The following DOCK1 variants were observed in gnomAD, a reference collection of about 807,000 sequenced individuals.
The protein encoded by DOCK1 is dedicator of cytokinesis protein 1.
DOCK1 carries 138 observed loss-of-function variants against 262.7 expected under a neutral mutation model. The observed-to-expected ratio is 0.53, with a 90% CI of 0.46 to 0.61. The LOEUF is 0.61. DOCK1 is among the 20% of genes least tolerant of loss of function. The pLI, the probability that DOCK1 is intolerant of heterozygous loss-of-function variation, is 0.00. For missense variants in DOCK1, 1,908 were observed against 2,370.7 expected (o/e 0.80, Z 4.05); for synonymous variants, 866 against 867.4 (o/e 1.00, Z 0.03).
intron 21 of DOCK1, among the ~76,000 whole-genome samples, chr10:127,050,318 T>C (rs566237363): frequency 1.3e-5 from 2 of 151,526 alleles, no homozygotes; most frequent in African/African-American, 2.4e-5. Context: ...TCCTTAATTA[T>C]AATAGATATT....
At chr10:127,400,370 G>A (rs2067149455) in intron 38 of DOCK1, among the ~76,000 whole-genome samples, 1 of 152,198 alleles carries the variant, frequency 6.6e-6, no homozygotes, top group African/African-American at 2.4e-5. Flanking sequence ...TGCCATGGGT[G>A]ACCCAGGTCT....
intron 8 of DOCK1, 83 bp downstream of exon 8, chr10:126,998,332 C>A: frequency 6.4e-7 from 1 of 1,563,814 alleles, no homozygotes; most frequent in South Asian, 1.2e-5. Flanking sequence ...GCGTCCCATT[C>A]ATGCTGAGAG....
intron 16 of DOCK1, among the ~76,000 whole-genome samples, chr10:127,027,566 A>G (rs149178424): frequency 4.1e-3 from 622 of 151,972 alleles, no homozygotes; most frequent in African/African-American, 0.014. Context: ...AGCCTGGGGA[A>G]CAGAGTGAGA....
intron 27 of DOCK1, among the ~76,000 whole-genome samples, chr10:127,139,922 G>A (rs1190439443): frequency 2.6e-5 from 4 of 152,162 alleles, no homozygotes; most frequent in Non-Finnish European, 1.5e-5. Flanking sequence ...CAAGAGCTAA[G>A]TAATAAAGAT....
At chr10:126,955,392 C>G (rs1357637079) in intron 1 of DOCK1, among the ~76,000 whole-genome samples, 1 of 152,210 alleles carries the variant, frequency 6.6e-6, no homozygotes, top group East Asian at 1.9e-4. Flanking sequence ...TCCCAAAGGG[C>G]TGGGATTACA....
In DOCK1 at chr10:127,052,681, G is replaced by C. The variant is rs773739543; in HGVS notation, c.2202G>C (p.Thr734=). 1 of 1,613,964 alleles carries C rather than the reference G, an allele frequency of 6.2e-7. No homozygotes were observed. The highest frequency in any genetic ancestry group is 1.1e-5 in the South Asian group (1 of 91,066). ...TTGTGCGTGTTTGCATTGTGAATAG[G>C]AAGTTGACAAAAGTGTTGAAGAACT... ...KKHFSATLAY[T]KLTKVLKNYV... is the part of the protein sequence containing the mutation. Residue 734 remains threonine, a splice_region_variant and synonymous_variant, in exon 22 of 52, where the codon ACG becomes ACC. Transcript: ENST00000623213.
chr10:126,918,635 G>C (rs953350514), intron 1 of DOCK1, among the ~76,000 whole-genome samples: 6 of 152,108 alleles, frequency 3.9e-5, no homozygotes, highest in African/African-American at 7.2e-5. Context: ...GGATATCACT[G>C]GTATTTTAAT....
At chr10:127,086,545 C>T (rs58796277) in intron 23 of DOCK1, among the ~76,000 whole-genome samples, 1,889 of 152,156 alleles carry the variant, frequency 0.012, 46 homozygotes, top group African/African-American at 0.042. Flanking sequence ...TTAAAAGTCA[C>T]TTTAAAAATA....
chr10:127,396,156 G>A (rs1464828415), intron 38 of DOCK1, among the ~76,000 whole-genome samples: 1 of 116,172 alleles, frequency 8.6e-6, no homozygotes, highest in African/African-American at 3.0e-5. Flanking sequence ...GATGCTGGCT[G>A]CATTCAAGAA....
At chr10:127,365,622 C>G (rs1157924436) in intron 33 of DOCK1, among the ~76,000 whole-genome samples, 1 of 152,154 alleles carries the variant, frequency 6.6e-6, no homozygotes, top group Non-Finnish European at 1.5e-5. Flanking sequence ...AAACATCATT[C>G]TATTTGTCAT....
chr10:127,266,895 G>A (rs2135129089), intron 29 of DOCK1, among the ~76,000 whole-genome samples: 1 of 152,180 alleles, frequency 6.6e-6, no homozygotes, highest in South Asian at 2.1e-4. Context: ...CAGGCACCAG[G>A]GCCACAGTTC....
chr10:127,259,143 C>G, intron 29 of DOCK1, among the ~76,000 whole-genome samples: 1 of 152,280 alleles, frequency 6.6e-6, no homozygotes, highest in East Asian at 1.9e-4. Context: ...GAGGAAGCCC[C>G]GGAGACCCTG....
In DOCK1 at chr10:127,026,413, C is replaced by A; in HGVS notation, c.1613C>A (p.Ser538Ter). ...CTTCGGTTTACCTTCCGCCACAGGT[C>A]ATCACAGGACTGTGAGTAGTCAAGC... The part of the protein sequence containing the change: ...SHLRFTFRHR[S>*]SQDSKDKSEK... The change falls in exon 16 of 52, where the codon TCA becomes TAA. Residue 538 changes from serine to a stop codon, truncating the protein, a stop_gained. Transcript: ENST00000623213. LOFTEE classifies it high-confidence loss of function. The A allele has an allele frequency of 6.3e-7, 1 of 1,578,770 alleles. No homozygotes were observed. The highest frequency in any genetic ancestry group is 8.6e-7 in the Non-Finnish European group (1 of 1,160,998).
intron 29 of DOCK1, among the ~76,000 whole-genome samples, chr10:127,265,345 C>T (rs2060316195): frequency 6.6e-6 from 1 of 151,968 alleles, no homozygotes; most frequent in South Asian, 2.1e-4. Context: ...TTTGTGAGAT[C>T]ATGTTGCTAT....
intron 16 of DOCK1, among the ~76,000 whole-genome samples, chr10:127,031,233 G>A (rs2043218375): frequency 6.6e-6 from 1 of 152,112 alleles, no homozygotes; most frequent in African/African-American, 2.4e-5. Flanking sequence ...GTTGATTTCC[G>A]CTGGTCTGGG....
chr10:127,016,081 C>T (rs991099158), intron 12 of DOCK1: 2 of 152,196 alleles, frequency 1.3e-5, no homozygotes, highest in Admixed American at 6.5e-5. Context: ...GTGAGAACTT[C>T]GCAGTTGCAT....
chr10:127,228,673 T>C lies in DOCK1; in HGVS notation c.2848-19335T>C, dbSNP rs77887832. Among the ~76,000 whole-genome samples the C allele has an allele frequency of 6.1e-3, 925 of 152,320 alleles. 15 individuals are homozygous for C. The highest frequency in any genetic ancestry group is 0.021 in the African/African-American group (880 of 41,578). On this transcript the variant is annotated intron_variant, in intron 27 of 51. Coordinates refer to ENST00000623213, the MANE Select transcript of DOCK1 (RefSeq NM_001290223.2). ...AACCTTGTTACTGCTGATTGAATAG[T>C]CTCGCAGACCCCTTTTCTGTCAAAC...
At chr10:127,164,322 T>C (rs928646400) in intron 27 of DOCK1, among the ~76,000 whole-genome samples, 4 of 151,770 alleles carry the variant, frequency 2.6e-5, no homozygotes, top group Non-Finnish European at 4.4e-5. Context: ...CAGCTGAGAT[T>C]ACAGGTGCCC....
At chr10:127,358,103 G>C (rs901054840) in intron 32 of DOCK1, among the ~76,000 whole-genome samples, 2 of 152,150 alleles carry the variant, frequency 1.3e-5, no homozygotes, top group African/African-American at 4.8e-5. Context: ...ATGGAAATCA[G>C]ATCTATTTAT....
Sources: gnomAD v4.1 joint callset for allele counts (sites outside exome capture counted in the v4.1 genomes callset) on GRCh38, gnomAD v4.1.1 for gene constraint, MANE v1.5 for transcripts, NCBI Gene and HGNC (gene_info 2026-07-23, HGNC 2026-07-21) for gene names.